Variants in ZSWIM5 observed in about 807,000 individuals in gnomAD.
ZSWIM5 encodes the protein zinc finger SWIM domain-containing protein 5.
ZSWIM5 carries 55 observed loss-of-function variants against 119.6 expected under a neutral mutation model. The observed-to-expected ratio is 0.46, with a 90% CI of 0.37 to 0.58. The LOEUF is 0.58. Ranked by LOEUF, ZSWIM5 falls within the 20% of genes least tolerant of loss-of-function variation. The pLI, the probability that ZSWIM5 is intolerant of heterozygous loss-of-function variation, is 0.00. For synonymous variants in ZSWIM5, 537 were observed against 606.9 expected, an observed-to-expected ratio of 0.88 and a Z score of 1.69; for missense variants, 1,193 against 1,512.8, an observed-to-expected ratio of 0.79 and a Z score of 3.51.
chr1:45,155,455 A>G (rs533125259), intron 1 of ZSWIM5, among the ~76,000 whole-genome samples: 41 of 152,156 alleles, frequency 2.7e-4, no homozygotes, highest in Non-Finnish European at 4.6e-4. Flanking sequence ...TACAGCCACT[A>G]TGAAAAACAG....
intron 1 of ZSWIM5, among the ~76,000 whole-genome samples, chr1:45,092,326 T>TCA (rs1484503547): frequency 6.6e-6 from 1 of 152,136 alleles, no homozygotes; most frequent in Non-Finnish European, 1.5e-5. Context: ...AGATGGAGTC[T>TCA]CACTCTGTCG....
chr1:45,020,547 C>T (rs1219187209), intron 12 of ZSWIM5, 78 bp downstream of exon 12: 1 of 1,524,246 alleles, frequency 6.6e-7, no homozygotes, highest in Admixed American at 1.9e-5. Context: ...TATGCCCAGT[C>T]TCCCAGAGAT....
rs571767643 is a variant in ZSWIM5, at chr1:45,018,092, A to G, written c.*362T>C. Reference sequence around the variant, plus strand: ...CACATATAGTATTTACAGTCCCACAAATGTGTCTGTTTCTCTGGTTAAGCA... The same window carrying G: ...CACATATAGTATTTACAGTCCCACAGATGTGTCTGTTTCTCTGGTTAAGCA... On this transcript the variant is annotated 3_prime_UTR_variant, in exon 14 of 14. Transcript: ENST00000359600. The surrounding 1 kb of genome is among the most constrained non-coding windows in gnomAD (Gnocchi z 6.7). 71 of 279,788 alleles carry G rather than the reference A, an allele frequency of 2.5e-4. No individual in the cohort carries two copies. The highest frequency in any genetic ancestry group is 1.4e-3 in the African/African-American group (64 of 46,608). The allele number at this position is 279,788 out of a possible 1,614,324, so 17.3% of individuals were successfully genotyped here. A position where few individuals can be genotyped will look rare whatever the true frequency, so the allele number is the denominator to read the frequency against.
chr1:45,063,207 G>A (rs1645163400), intron 2 of ZSWIM5, among the ~76,000 whole-genome samples: 1 of 151,978 alleles, frequency 6.6e-6, no homozygotes, highest in Non-Finnish European at 1.5e-5. Context: ...TACCATATTT[G>A]CTTTATCCAA....
At chr1:45,027,246 T>G (rs139125688) in intron 11 of ZSWIM5, among the ~76,000 whole-genome samples, 2 of 152,156 alleles carry the variant, frequency 1.3e-5, no homozygotes, top group East Asian at 1.9e-4. Context: ...ATCTATTTTC[T>G]TCTGCTAACT....
At chr1:45,129,466 AT>A (rs1034709366) in intron 1 of ZSWIM5, among the ~76,000 whole-genome samples, 6 of 150,862 alleles carry the variant, frequency 4.0e-5, no homozygotes, top group African/African-American at 9.7e-5. Context: ...CAGATCTTGC[AT>A]TTTTTTTTAA....
chr1:45,048,846 C>T (rs1208028847), intron 5 of ZSWIM5, among the ~76,000 whole-genome samples: 1 of 152,160 alleles, frequency 6.6e-6, no homozygotes, highest in Admixed American at 6.5e-5. Flanking sequence ...TAGGAATCAG[C>T]ATGGTGGCTC....
chr1:45,150,038 T>C (rs114199902), intron 1 of ZSWIM5, among the ~76,000 whole-genome samples: 180 of 151,678 alleles, frequency 1.2e-3, no homozygotes, highest in African/African-American at 4.1e-3. Context: ...GGCATGGTGG[T>C]GTACACCTGT....
chr1:45,146,135 A>G (rs1346371085), intron 1 of ZSWIM5, among the ~76,000 whole-genome samples: 1 of 152,194 alleles, frequency 6.6e-6, no homozygotes, highest in Non-Finnish European at 1.5e-5. Context: ...AAGTATAGAT[A>G]ACTCTTGAAA....
chr1:45,120,679 T>C (rs895697674), intron 1 of ZSWIM5, among the ~76,000 whole-genome samples: 12 of 152,024 alleles, frequency 7.9e-5, no homozygotes, highest in African/African-American at 2.9e-4. Flanking sequence ...TCTCCCTATG[T>C]TGCCCAGGCT....
At chr1:45,127,038 T>C (rs886264554) in intron 1 of ZSWIM5, among the ~76,000 whole-genome samples, 2 of 152,188 alleles carry the variant, frequency 1.3e-5, no homozygotes, top group Admixed American at 6.5e-5. Flanking sequence ...TTTACCCTGA[T>C]ACCAAAACCA....
At position 45,206,057 on chromosome 1, in the gene ZSWIM5, G is replaced by A. The variant is rs1262037047; in HGVS notation, c.294C>T (p.Val98=). Residue 98 remains valine, a synonymous_variant, in exon 1 of 14, where the codon GTC becomes GTT. Coordinates refer to ENST00000359600, the MANE Select transcript of ZSWIM5 (RefSeq NM_020883.2). ...RIPEPVQRRI[V]YWSFPRNERE... ...GCTCATTCCGCGGGAAGGACCAGTAGACGATGCGGCGCTGCACGGGCTCCG... is the reference window on the plus strand; with the variant it reads ...GCTCATTCCGCGGGAAGGACCAGTAAACGATGCGGCGCTGCACGGGCTCCG... The A allele has an allele frequency of 5.0e-6, 8 of 1,611,126 alleles. No individual in the cohort carries two copies. The highest frequency in any genetic ancestry group is 5.9e-6 in the Non-Finnish European group (7 of 1,179,094).
chr1:45,104,594 G>A (rs1645458774), intron 1 of ZSWIM5, among the ~76,000 whole-genome samples: 1 of 152,182 alleles, frequency 6.6e-6, no homozygotes, highest in African/African-American at 2.4e-5. Context: ...GTGAGGGTGC[G>A]AGAGATTGCA....
chr1:45,185,496 A>G (rs61789770), intron 1 of ZSWIM5, among the ~76,000 whole-genome samples: 1 of 152,022 alleles, frequency 6.6e-6, no homozygotes, highest in Non-Finnish European at 1.5e-5. Context: ...TTTGCAACCT[A>G]CTCATCTGAC....
At chr1:45,128,803 A>G (rs1049305428) in intron 1 of ZSWIM5, among the ~76,000 whole-genome samples, 9 of 152,144 alleles carry the variant, frequency 5.9e-5, no homozygotes, top group Admixed American at 2.0e-4. Context: ...ACTACTCCAC[A>G]AACCTCTGGC....
chr1:45,148,530 A>T (rs532317782), intron 1 of ZSWIM5, among the ~76,000 whole-genome samples: 1 of 152,234 alleles, frequency 6.6e-6, no homozygotes, highest in East Asian at 1.9e-4. Context: ...TTAGGCTGAA[A>T]TAATTGCTAC....
At chr1:45,035,536 TA>T in intron 10 of ZSWIM5, 151 bp downstream of exon 10, 1 of 1,015,304 alleles carries the variant, frequency 9.8e-7, no homozygotes, top group Non-Finnish European at 1.4e-6. Flanking sequence ...CTAGATCATA[TA>T]AAAATATCTG....
chr1:45,142,621 C>T (rs2149034769), intron 1 of ZSWIM5, among the ~76,000 whole-genome samples: 1 of 152,140 alleles, frequency 6.6e-6, no homozygotes, highest in South Asian at 2.1e-4. Flanking sequence ...GCCATGGTGC[C>T]TGGCCAATAG....
intron 8 of ZSWIM5, among the ~76,000 whole-genome samples, chr1:45,036,943 C>T (rs746474624): frequency 2.6e-5 from 4 of 151,994 alleles, no homozygotes; most frequent in Admixed American, 6.6e-5. Context: ...GGACTACAGG[C>T]ACATGCCACC....
Sources: gnomAD v4.1 joint callset for allele counts (sites outside exome capture counted in the v4.1 genomes callset) on GRCh38, gnomAD v4.1.1 for gene constraint, Gnocchi (gnomAD v3.1) non-coding constraint, MANE v1.5 for transcripts, NCBI Gene and HGNC (gene_info 2026-07-23, HGNC 2026-07-21) for gene names.